DAW1: variants seen among roughly 807,000 people sequenced by gnomAD.
DAW1 encodes the protein dynein assembly factor with WD repeat domains 1.
A neutral mutation model predicts 56.5 loss-of-function variants in DAW1; 47 were observed. That is an observed-to-expected ratio of 0.83 (90% CI 0.66 to 1.06). The LOEUF is 1.06. Ranked by LOEUF, DAW1 falls within the 50% of genes least tolerant of loss-of-function variation. The probability of loss-of-function intolerance (pLI) is 0.00; values close to 1 mark genes in which losing one functional copy is unlikely to be tolerated. For synonymous variants in DAW1, 190 were observed against 179.0 expected, an observed-to-expected ratio of 1.06 and a Z score of -0.49; for missense variants, 505 against 499.3, an observed-to-expected ratio of 1.01 and a Z score of -0.11.
At position 227,913,450 on chromosome 2, in the gene DAW1, A is replaced by C. The variant is rs76516286; in HGVS notation, c.974-5330A>C. On this transcript the variant is annotated intron_variant, in intron 10 of 12. Coordinates refer to ENST00000309931, the MANE Select transcript of DAW1 (RefSeq NM_178821.3). ...ATCACAGATAATGCTTTTCTCCTTG[A>C]TAACCACATATGATGCCTGATATTT... Among the ~76,000 whole-genome samples, 1,049 of 152,260 alleles carry C rather than the reference A, an allele frequency of 6.9e-3. 17 individuals carry two copies. Among genetic ancestry groups the C allele is most frequent in the African/African-American group, 0.024 (1,003 of 41,548 alleles).
intron 3 of DAW1, among the ~76,000 whole-genome samples, chr2:227,890,350 G>A (rs16825801): frequency 0.068 from 10,403 of 151,928 alleles, 370 homozygotes; most frequent in Middle Eastern, 0.099. Flanking sequence ...TCAACATTTC[G>A]TATTTTCTGC....
In DAW1 at chr2:227,924,009, T is replaced by TA; in HGVS notation, c.*43dup. 6.2e-7 allele frequency: 1 copy of TA among 1,611,914 alleles called. No homozygotes were observed. Among genetic ancestry groups the TA allele is most frequent in the Non-Finnish European group, 8.5e-7 (1 of 1,178,372 alleles). ...CAGTGAGCAACCTTGCTAGCAATGG[T>TA]AATCAAGAACTGGAACTTCACAGAC... On this transcript the variant is annotated 3_prime_UTR_variant, in exon 13 of 13. Transcript: ENST00000309931.
intron 10 of DAW1, among the ~76,000 whole-genome samples, chr2:227,911,269 C>CGTGTATATATACAT (rs1559312587): frequency 1.2e-4 from 14 of 119,518 alleles, no homozygotes; most frequent in Middle Eastern, 3.7e-3. Flanking sequence ...TGTATATACA[C>CGTGTATATATACAT]ATATACACGT....
In DAW1 at chr2:227,918,925, T is replaced by G. The variant is rs891579688; in HGVS notation, c.1050+69T>G. ...AATAAAGAGCAGGGCCCAGGTGCAG[T>G]GCCTCACACCTATAATCCCAGCACT... On this transcript the variant is annotated intron_variant, in intron 11 of 12. Coordinates refer to ENST00000309931, the MANE Select transcript of DAW1 (RefSeq NM_178821.3). The G allele has an allele frequency of 7.6e-6, 11 of 1,448,542 alleles. No homozygotes were observed. The African/African-American group carries it at 1.3e-4, about 17-fold the overall frequency. The allele number at this position is 1,448,542 out of a possible 1,614,324, so 89.7% of individuals were successfully genotyped here.
chr2:227,901,513 T>C (rs1553602751), intron 6 of DAW1, among the ~76,000 whole-genome samples: 1 of 151,578 alleles, frequency 6.6e-6, no homozygotes, highest in South Asian at 2.1e-4. Flanking sequence ...CAGAGGAAAA[T>C]ATAGAGTATG....
At chr2:227,882,356 A>G (rs1691030189) in intron 1 of DAW1, among the ~76,000 whole-genome samples, 1 of 152,204 alleles carries the variant, frequency 6.6e-6, no homozygotes, top group African/African-American at 2.4e-5. Context: ...CTGGTGCCTT[A>G]CTACAAATCG....
In DAW1 at chr2:227,906,217, A is replaced by G; in HGVS notation, c.756-19A>G. ...AAGTAAGATATCTTTCACTAGTTTT[A>G]ATTATTTTTGTGTTGTAGGAAGGTA... On this transcript the variant is annotated intron_variant, in intron 8 of 12. Coordinates refer to ENST00000309931, the MANE Select transcript of DAW1 (RefSeq NM_178821.3). 6.3e-7 allele frequency: 1 copy of G among 1,583,940 alleles called. No individual in the cohort carries two copies. The highest frequency in any genetic ancestry group is 1.7e-5 in the Admixed American group (1 of 58,862).
chr2:227,885,431 A>T lies in DAW1; in HGVS notation c.113+8A>T. ...GCTTGATCTTGGTCCCAGGTAAGTA[A>T]GCTGTAGGATTCAACAAATAAATGT... On this transcript the variant is annotated splice_region_variant and intron_variant, in intron 2 of 12. Coordinates refer to ENST00000309931, the MANE Select transcript of DAW1 (RefSeq NM_178821.3). 6.3e-7 allele frequency: 1 copy of T among 1,596,316 alleles called. No individual in the cohort carries two copies. Among genetic ancestry groups the T allele is most frequent in the Non-Finnish European group, 8.5e-7 (1 of 1,173,026 alleles).
intron 11 of DAW1, among the ~76,000 whole-genome samples, chr2:227,919,183 AAGACCCTATCT>A (rs1236403104): frequency 1.7e-4 from 24 of 144,628 alleles, no homozygotes; most frequent in Non-Finnish European, 3.3e-4. Flanking sequence ...GTGACAGAGC[AAGACCCTATCT>A]AGAAAAAAAA....
At chr2:227,907,109 T>G (rs1691703551) in intron 9 of DAW1, 29 bp from the exon 10 acceptor site, 1 of 1,523,222 alleles carries the variant, frequency 6.6e-7, no homozygotes, top group Non-Finnish European at 9.0e-7. Context: ...TAGTCTTTTT[T>G]TTTTTGTTTT....
intron 1 of DAW1, among the ~76,000 whole-genome samples, chr2:227,872,638 A>T (rs1430345758): frequency 1.3e-5 from 2 of 151,976 alleles, no homozygotes; most frequent in African/African-American, 4.8e-5. Context: ...TTTTGCCAGA[A>T]ACCTAGGTGG....
At chr2:227,879,037 C>T (rs549519373) in intron 1 of DAW1, among the ~76,000 whole-genome samples, 6 of 152,172 alleles carry the variant, frequency 3.9e-5, no homozygotes, top group East Asian at 1.9e-4. Flanking sequence ...CTGCCCGCCT[C>T]GGCCTCCCAA....
At chr2:227,916,645 A>G (rs1353958157) in intron 10 of DAW1, among the ~76,000 whole-genome samples, 2 of 152,094 alleles carry the variant, frequency 1.3e-5, no homozygotes, top group Non-Finnish European at 2.9e-5. Flanking sequence ...CGTGATGGCC[A>G]TGTATACTAT....
At chr2:227,890,291 G>T (rs555917091) in intron 3 of DAW1, among the ~76,000 whole-genome samples, 1 of 147,128 alleles carries the variant, frequency 6.8e-6, no homozygotes, top group East Asian at 1.9e-4. Context: ...AATAACTAAA[G>T]CTTTTTTTCT....
chr2:227,921,224 C>T (rs1692098431), intron 11 of DAW1, among the ~76,000 whole-genome samples, 175 bp from the exon 12 acceptor site: 1 of 149,636 alleles, frequency 6.7e-6, no homozygotes, highest in Admixed American at 6.7e-5. Flanking sequence ...CTAGTCCCTG[C>T]AATATTTTTT....
Position 227,918,183 on chromosome 2 carries a change from C to CATCCATCCATCCATCCATCCAT in DAW1, c.974-597_974-596insATCCATCCATCCATCCATCCAT, listed in dbSNP as rs1559315226. On this transcript the variant is annotated intron_variant, in intron 10 of 12. Transcript: ENST00000309931. ...ATCCATCCATCCATCATCCATCCAT[C>CATCCATCCATCCATCCATCCAT]CATCCATCCATCCATCCATCCATCC... Among the ~76,000 whole-genome samples the CATCCATCCATCCATCCATCCAT allele has an allele frequency of 8.6e-3, 928 of 107,890 alleles. 12 individuals carry two copies. Among genetic ancestry groups the CATCCATCCATCCATCCATCCAT allele is most frequent in the Middle Eastern group, 0.021 (4 of 194 alleles). 70.8% of individuals were successfully genotyped at this position (107,890 alleles called of 152,430 possible).
chr2:227,921,043 T>C (rs1223875374), intron 11 of DAW1, among the ~76,000 whole-genome samples: 1 of 152,158 alleles, frequency 6.6e-6, no homozygotes, highest in Admixed American at 6.5e-5. Flanking sequence ...TCCTGACTCG[T>C]GTGTTCATCC....
rs1574664720 is a variant in DAW1, at chr2:227,907,141, T to C, written c.862T>C (p.Trp288Arg). ...TGSMDKTCKL[W>R]DATNGKCVAT... ...TTTTTTGTTCTTTTAATTGTAGCTGTGGGATGCTACAAATGGAAAATGTGT... is the reference window on the plus strand; with the variant it reads ...TTTTTTGTTCTTTTAATTGTAGCTGCGGGATGCTACAAATGGAAAATGTGT... Residue 288 changes from tryptophan (W) to arginine (R), a missense_variant, in exon 10 of 13, where the codon TGG becomes CGG. Transcript: ENST00000309931. 1.9e-6 allele frequency: 3 copies of C among 1,604,852 alleles called. No individual in the cohort carries two copies. The highest frequency in any genetic ancestry group is 2.6e-6 in the Non-Finnish European group (3 of 1,174,150).
In DAW1 at chr2:227,915,842, C is replaced by A. The variant is rs139344151; in HGVS notation, c.974-2938C>A. On this transcript the variant is annotated intron_variant, in intron 10 of 12. Transcript: ENST00000309931. ...TGTATCTACTTCCTCTTCTTGATAA[C>A]CACATCAATGTTATACTATTGTCTA... 5.9e-3 allele frequency among the ~76,000 whole-genome samples: 903 copies of A among 152,188 alleles called. 11 individuals are homozygous for A. The highest frequency in any genetic ancestry group is 0.02 in the African/African-American group (817 of 41,534).
Sources: allele counts gnomAD v4.1 joint callset (sites outside exome capture counted in the v4.1 genomes callset), GRCh38; gene constraint gnomAD v4.1.1; transcripts MANE v1.5; gene names NCBI Gene and HGNC (gene_info 2026-07-23, HGNC 2026-07-21).